The following RAB33A variants were observed in gnomAD, a reference collection of about 807,000 sequenced individuals.
RAB33A encodes the protein ras-related protein Rab-33A.
A neutral mutation model predicts 12.0 loss-of-function variants in RAB33A; 6 were observed. The observed-to-expected ratio is 0.50, with a 90% CI of 0.27 to 0.99. The LOEUF is 0.99. Ranked by LOEUF, RAB33A falls within the 50% of genes least tolerant of loss-of-function variation. RAB33A has a pLI of 0.11. For missense variants in RAB33A, 109 were observed against 192.0 expected, an observed-to-expected ratio of 0.57 and a Z score of 2.55; for synonymous variants, 70 against 82.4, an observed-to-expected ratio of 0.85 and a Z score of 0.81.
chrX:130,183,030 G>C (rs1219854219), intron 1 of RAB33A, among the ~76,000 whole-genome samples: 1 of 107,397 alleles, frequency 9.3e-6, no homozygotes, highest in Admixed American at 1.0e-4. Flanking sequence ...TCAGCCTCCC[G>C]AGTAGCTGGG....
chrX:130,157,388 A>C, the RAB33A span, among the ~76,000 whole-genome samples: 1 of 112,064 alleles, frequency 8.9e-6, no homozygotes, highest in Non-Finnish European at 1.9e-5. Flanking sequence ...AGATAAAGGA[A>C]GGTCTCAGTC....
chrX:130,154,836 A>C, the RAB33A span, among the ~76,000 whole-genome samples: 1 of 112,708 alleles, frequency 8.9e-6, no homozygotes, highest in Non-Finnish European at 1.9e-5. Context: ...CTGTCTTGTT[A>C]GATATGCAGC....
chrX:130,181,397 GC>G (rs1175262387), intron 1 of RAB33A, among the ~76,000 whole-genome samples: 9 of 112,050 alleles, frequency 8.0e-5, no homozygotes, highest in Non-Finnish European at 1.7e-4. Flanking sequence ...TCAATTAGTG[GC>G]CATAATCAAA....
the RAB33A span, chrX:130,147,342 T>G: frequency 1.5e-6 from 1 of 683,007 alleles, no homozygotes; most frequent in Non-Finnish European, 2.3e-6. Context: ...TAGACTGTTA[T>G]CTCTAAGCTG....
the RAB33A span, among the ~76,000 whole-genome samples, chrX:130,112,413 G>A: frequency 8.9e-6 from 1 of 111,767 alleles, no homozygotes; most frequent in Admixed American, 9.5e-5. Flanking sequence ...CTGCACACGC[G>A]TGCACACACA....
the RAB33A span, among the ~76,000 whole-genome samples, chrX:130,127,189 A>G: frequency 9.0e-6 from 1 of 111,354 alleles, no homozygotes; most frequent in East Asian, 2.8e-4. Flanking sequence ...GGGAGGGGAC[A>G]TGGACCAAGT....
the RAB33A span, among the ~76,000 whole-genome samples, chrX:130,133,795 ATT>A: frequency 7.0e-5 from 7 of 99,813 alleles, no homozygotes; most frequent in African/African-American, 7.2e-5. Context: ...GCCTGGCTAA[ATT>A]TTTTTTTTTT....
the RAB33A span, among the ~76,000 whole-genome samples, chrX:130,114,788 G>A: frequency 5.4e-5 from 6 of 111,848 alleles, no homozygotes; most frequent in African/African-American, 1.6e-4. Context: ...AGCTTTCAGA[G>A]CCCCTCTTTG....
chrX:130,145,491 G>A, the RAB33A span: 1 of 1,208,966 alleles, frequency 8.3e-7, no homozygotes, highest in Non-Finnish European at 1.1e-6. Context: ...TCTTCCCAGT[G>A]AGGACAGCCA....
At chrX:130,123,538 A>G in the RAB33A span, among the ~76,000 whole-genome samples, 2 of 109,280 alleles carry the variant, frequency 1.8e-5, no homozygotes, top group African/African-American at 6.7e-5. Flanking sequence ...TAAGAATACA[A>G]AAAAAATTAG....
chrX:130,148,765 G>A, the RAB33A span, among the ~76,000 whole-genome samples: 22 of 100,294 alleles, frequency 2.2e-4, no homozygotes, highest in Admixed American at 2.2e-4. Context: ...CCCAGGAGGC[G>A]GAGGTTGCAG....
At chrX:130,148,319 T>C in the RAB33A span, among the ~76,000 whole-genome samples, 11 of 110,862 alleles carry the variant, frequency 9.9e-5, no homozygotes, top group Non-Finnish European at 1.7e-4. Flanking sequence ...TGTTCAAGAA[T>C]AAGGGGGTGC....
the RAB33A span, among the ~76,000 whole-genome samples, chrX:130,119,446 G>T: frequency 2.0e-4 from 23 of 112,371 alleles, 1 homozygote; most frequent in Non-Finnish European, 2.6e-4. Context: ...TGCTCTGGGA[G>T]AAGAAGCCAG....
chrX:130,128,974 GA>G, the RAB33A span, among the ~76,000 whole-genome samples: 1 of 112,439 alleles, frequency 8.9e-6, no homozygotes, highest in African/African-American at 3.2e-5. Context: ...CACTTACTAT[GA>G]AGCAGACCCT....
the RAB33A span, among the ~76,000 whole-genome samples, chrX:130,134,435 T>TA: frequency 1.8e-5 from 2 of 110,981 alleles, no homozygotes; most frequent in Admixed American, 1.9e-4. Flanking sequence ...AATGTTTTCT[T>TA]AGATTTCTTT....
the RAB33A span, chrX:130,165,732 C>G: frequency 1.2e-6 from 1 of 840,863 alleles, no homozygotes; most frequent in Non-Finnish European, 1.7e-6. Context: ...ACCGTGAGCC[C>G]CGGCCAGCTC....
the RAB33A span, chrX:130,145,688 G>A: frequency 1.1e-5 from 6 of 539,853 alleles, no homozygotes; most frequent in Admixed American, 2.8e-5. Flanking sequence ...TCCAAAGTAA[G>A]TCTCCAAGTC....
the RAB33A span, among the ~76,000 whole-genome samples, chrX:130,125,335 C>T: frequency 8.9e-6 from 1 of 111,821 alleles, no homozygotes; most frequent in Non-Finnish European, 1.9e-5. Flanking sequence ...CACACCCATA[C>T]GTAGAACCAG....
At chrX:130,177,651 C>T (rs1369218008) in intron 1 of RAB33A, among the ~76,000 whole-genome samples, 1 of 111,667 alleles carries the variant, frequency 9.0e-6, no homozygotes, top group Non-Finnish European at 1.9e-5. Context: ...TACCTGATTA[C>T]TATTGTTATC....
Sources: gnomAD v4.1 joint callset for allele counts (sites outside exome capture counted in the v4.1 genomes callset) on GRCh38, gnomAD v4.1.1 for gene constraint, MANE v1.5 for transcripts, NCBI Gene and HGNC (gene_info 2026-07-23, HGNC 2026-07-21) for gene names.